The following PCBP2 variants were observed in gnomAD, a reference collection of about 807,000 sequenced individuals.
PCBP2 encodes the protein poly(rC) binding protein 2, also known as poly(rC)-binding protein 2.
A neutral mutation model predicts 50.1 loss-of-function variants in PCBP2; 4 were observed. The ratio of observed to expected loss-of-function variants is 0.08; its 90% CI spans 0.04 to 0.18. PCBP2 has a LOEUF of 0.18. Ranked by LOEUF, PCBP2 falls within the 10% of genes least tolerant of loss-of-function variation. The probability of loss-of-function intolerance (pLI) is 1.00; values close to 1 mark genes in which losing one functional copy is unlikely to be tolerated. For missense variants in PCBP2, 161 were observed against 474.3 expected, an observed-to-expected ratio of 0.34 and a Z score of 6.14; for synonymous variants, 179 against 168.0, an observed-to-expected ratio of 1.07 and a Z score of -0.51.
intron 6 of PCBP2, chr12:53,460,004 C>T (rs184643856): frequency 4.2e-5 from 14 of 334,976 alleles, no homozygotes; most frequent in Admixed American, 9.2e-5. Context: ...AGCAATCCAC[C>T]CACCTCAGGC....
chr12:53,470,689 T>G (rs1592675024), intron 13 of PCBP2, among the ~76,000 whole-genome samples: 1 of 151,826 alleles, frequency 6.6e-6, no homozygotes, highest in East Asian at 1.9e-4. Flanking sequence ...AGTGTAGTGG[T>G]TCATGAACAT....
rs1555207954 is a variant in PCBP2, at chr12:53,470,401, A to AAAG, written c.883-1236_883-1235insAGA. 7.1e-4 allele frequency among the ~76,000 whole-genome samples: 74 copies of AAAG among 104,680 alleles called. 1 individual carries two copies. The highest frequency in any genetic ancestry group is 1.1e-3 in the Non-Finnish European group (52 of 48,938). 68.7% of individuals were successfully genotyped at this position (104,680 alleles called of 152,430 possible). On this transcript the variant is annotated intron_variant, in intron 13 of 14. Transcript: ENST00000546463. ...CTCAAAAAAAAAAAAAAAAAAAAAA[A>AAAG]AGTGTAGTGGCTTTTTTTTTTGACA...
intron 5 of PCBP2, among the ~76,000 whole-genome samples, chr12:53,456,731 C>A (rs892268282): frequency 2.0e-5 from 3 of 152,076 alleles, no homozygotes; most frequent in African/African-American, 7.2e-5. Flanking sequence ...GAAAATACAC[C>A]GGAGGTTTTA....
chr12:53,469,145 A>G (rs1942022372), intron 13 of PCBP2, among the ~76,000 whole-genome samples: 2 of 151,318 alleles, frequency 1.3e-5, no homozygotes, highest in Non-Finnish European at 1.5e-5. Context: ...CAGGTGATCC[A>G]CTCACCTTGG....
At chr12:53,455,109 A>G (rs1431141581) in intron 2 of PCBP2, among the ~76,000 whole-genome samples, 1 of 152,192 alleles carries the variant, frequency 6.6e-6, no homozygotes, top group African/African-American at 2.4e-5. Flanking sequence ...CTGGATGGTA[A>G]GGTTTTTCTC....
At chr12:53,465,014 C>T (rs560028199) in intron 9 of PCBP2, 162 bp downstream of exon 9, 39 of 842,194 alleles carry the variant, frequency 4.6e-5, no homozygotes, top group East Asian at 6.7e-5. Flanking sequence ...TCACCCAGGC[C>T]GCGTAGCCCA....
chr12:53,479,369 T>C, intron 14 of PCBP2, 37 bp from the exon 15 acceptor site: 1 of 1,603,678 alleles, frequency 6.2e-7, no homozygotes. Context: ...AGCTGAGCAC[T>C]GGGGAAACTA....
intron 8 of PCBP2, among the ~76,000 whole-genome samples, chr12:53,463,588 G>A (rs772477435): frequency 6.6e-6 from 1 of 152,178 alleles, no homozygotes; most frequent in Non-Finnish European, 1.5e-5. Flanking sequence ...TAGGTTATAT[G>A]CAAGTACTAT....
At position 53,455,644 on chromosome 12, in the gene PCBP2, G is replaced by GT. The variant is rs1476730854; in HGVS notation, c.126+152dup. ...TATTTGTAGTGATAATCTGGGGAGT[G>GT]TATTTTTTTTTTCCCCTTTTTGGGA... On this transcript the variant is annotated intron_variant, in intron 4 of 14. Transcript: ENST00000546463. The GT allele has an allele frequency of 4.7e-6, 4 of 848,644 alleles. No individual in the cohort carries two copies. The East Asian group carries it at 7.9e-5, about 17-fold the overall frequency. 52.6% of individuals were successfully genotyped at this position (848,644 alleles called of 1,614,324 possible).
intron 12 of PCBP2, chr12:53,468,495 C>A: frequency 2.2e-6 from 1 of 449,718 alleles, no homozygotes; most frequent in South Asian, 2.8e-5. Flanking sequence ...GAGGATACCA[C>A]ACTCCCTTGC....
intron 13 of PCBP2, among the ~76,000 whole-genome samples, chr12:53,471,237 G>A (rs745559597): frequency 3.3e-5 from 5 of 151,934 alleles, no homozygotes; most frequent in African/African-American, 7.2e-5. Context: ...TTAAACCAAG[G>A]AGTTTGAGAC....
chr12:53,454,913 G>C (rs748261322), intron 2 of PCBP2, 44 bp downstream of exon 2: 1 of 1,507,940 alleles, frequency 6.6e-7, no homozygotes, highest in Non-Finnish European at 9.2e-7. Flanking sequence ...ACTGCTAGGG[G>C]AGGGGCCAGG....
intron 1 of PCBP2, chr12:53,453,237 C>G (rs186265914): frequency 6.2e-5 from 9 of 144,422 alleles, no homozygotes; most frequent in Non-Finnish European, 1.3e-4. Context: ...TTCGAAGTTG[C>G]GTTATTGTGA....
chr12:53,456,767 A>C (rs1433825418), intron 5 of PCBP2, among the ~76,000 whole-genome samples: 1 of 152,054 alleles, frequency 6.6e-6, no homozygotes, highest in South Asian at 2.1e-4. Flanking sequence ...TCCCCCACCA[A>C]CCTTCAGAGG....
chr12:53,471,070 C>T (rs1273116597), intron 13 of PCBP2, among the ~76,000 whole-genome samples: 1 of 151,972 alleles, frequency 6.6e-6, no homozygotes, highest in East Asian at 1.9e-4. Flanking sequence ...TGTCACTCAC[C>T]ATGGGTGGTC....
intron 8 of PCBP2, 63 bp downstream of exon 8, chr12:53,462,630 C>T: frequency 2.9e-6 from 4 of 1,377,906 alleles, no homozygotes; most frequent in Non-Finnish European, 4.1e-6. Context: ...GTCAACTTTG[C>T]CAGCATCACA....
intron 5 of PCBP2, among the ~76,000 whole-genome samples, chr12:53,457,207 T>G (rs1941095255): frequency 1.3e-5 from 2 of 152,050 alleles, no homozygotes; most frequent in Non-Finnish European, 2.9e-5. Context: ...CCACCCTGCC[T>G]GGATAATTTT....
intron 8 of PCBP2, 112 bp from the exon 9 acceptor site, chr12:53,464,648 T>C: frequency 6.9e-7 from 1 of 1,452,966 alleles, no homozygotes; most frequent in Non-Finnish European, 9.2e-7. Context: ...TCTGAGCTCC[T>C]TTTTAAAGGA....
chr12:53,480,409 A>G lies in PCBP2; in HGVS notation c.*967A>G, dbSNP rs1488179514. Reference sequence around the variant, plus strand: ...GAGGGGCAGGAGAACTTCTCCAGACACCTCAGATAAAGTCCGGAGCCCAAG... The same window carrying G: ...GAGGGGCAGGAGAACTTCTCCAGACGCCTCAGATAAAGTCCGGAGCCCAAG... On this transcript the variant is annotated 3_prime_UTR_variant, in exon 15 of 15. Transcript: ENST00000546463. 1 of 152,476 alleles carries G rather than the reference A, an allele frequency of 6.6e-6. No homozygotes were observed. Among genetic ancestry groups the G allele is most frequent in the African/African-American group, 2.4e-5 (1 of 41,430 alleles). 9.4% of individuals were successfully genotyped at this position (152,476 alleles called of 1,614,324 possible).
Sources: allele counts gnomAD v4.1 joint callset (sites outside exome capture counted in the v4.1 genomes callset), GRCh38; gene constraint gnomAD v4.1.1; transcripts MANE v1.5; gene names NCBI Gene and HGNC (gene_info 2026-07-23, HGNC 2026-07-21).